MYO18A: variants seen among roughly 807,000 people sequenced by gnomAD.
MYO18A encodes the protein unconventional myosin-XVIIIa.
MYO18A carries 78 observed loss-of-function variants against 235.8 expected under a neutral mutation model. The ratio of observed to expected loss-of-function variants is 0.33; its 90% CI spans 0.28 to 0.40. The LOEUF (loss-of-function observed/expected upper bound fraction) is 0.40, where lower values mean the gene tolerates loss of function less well. MYO18A is among the 10% of genes least tolerant of loss of function. The pLI is 1.00. For synonymous variants in MYO18A, 977 were observed against 1,077.8 expected, an observed-to-expected ratio of 0.91 and a Z score of 1.83; for missense variants, 2,215 against 2,699.3, an observed-to-expected ratio of 0.82 and a Z score of 3.98.
chr17:29,090,039 C>G lies in MYO18A; in HGVS notation c.5448G>C (p.Leu1816=), dbSNP rs1054687862. 1 of 1,613,964 alleles carries G rather than the reference C, an allele frequency of 6.2e-7. No individual in the cohort carries two copies. The highest frequency in any genetic ancestry group is 8.5e-7 in the Non-Finnish European group (1 of 1,179,850). ...GTATCTTAGCTTCCTGCCTGCTCAC[C>G]AGGGACTTGTCCACCATGGACTGCT... The part of the protein sequence containing the change: ...FLEQSMVDKS[L]VSRQEAKIRE... Residue 1816 remains leucine, a synonymous_variant, in exon 37 of 42, where the codon CTG becomes CTC. Transcript: ENST00000527372.
In MYO18A at chr17:29,140,312, C is replaced by T. The variant is rs955270084; in HGVS notation, c.1000-18059G>A. On this transcript the variant is annotated intron_variant, in intron 2 of 41. Transcript: ENST00000527372. The surrounding 1 kb of genome is among the most constrained non-coding windows in gnomAD (Gnocchi z 4.2). ...TAGCATGAGGAGCCTGGGACATTTCCGGGGTGGGGGGTCAGAGGGACACTC... is the reference window on the plus strand; with the variant it reads ...TAGCATGAGGAGCCTGGGACATTTCTGGGGTGGGGGGTCAGAGGGACACTC... 3.3e-5 allele frequency: 41 copies of T among 1,225,748 alleles called. No homozygotes were observed. Among genetic ancestry groups the T allele is most frequent in the Non-Finnish European group, 4.0e-5 (38 of 957,060 alleles). The allele number at this position is 1,225,748 out of a possible 1,614,324, so 75.9% of individuals were successfully genotyped here.
At chr17:29,139,186 C>T (rs772822454) in intron 2 of MYO18A, among the ~76,000 whole-genome samples, 14 of 152,150 alleles carry the variant, frequency 9.2e-5, no homozygotes, top group Non-Finnish European at 1.5e-4. Flanking sequence ...GGCTTCCTGC[C>T]GCAACTGCAG....
chr17:29,093,484 G>A, intron 31 of MYO18A, 57 bp from the exon 32 acceptor site: 2 of 1,374,424 alleles, frequency 1.5e-6, no homozygotes, highest in Non-Finnish European at 2.0e-6. Context: ...GTGCGAAGCA[G>A]GCCCCTTCCA....
intron 2 of MYO18A, among the ~76,000 whole-genome samples, chr17:29,139,842 C>G (rs2067694843): frequency 6.6e-6 from 1 of 152,128 alleles, no homozygotes; most frequent in Non-Finnish European, 1.5e-5. Context: ...GAGAAGGGTG[C>G]TCCCTGACAA....
At chr17:29,079,163 G>T (rs1015758401) in intron 41 of MYO18A, among the ~76,000 whole-genome samples, 1 of 152,206 alleles carries the variant, frequency 6.6e-6, no homozygotes, top group African/African-American at 2.4e-5. Context: ...ACCTTTCCTG[G>T]CCCCAGCCTG....
chr17:29,088,544 G>GC (rs1169433197), intron 37 of MYO18A, among the ~76,000 whole-genome samples: 1 of 152,010 alleles, frequency 6.6e-6, no homozygotes, highest in Admixed American at 6.6e-5. Flanking sequence ...TGACAGGGCT[G>GC]CCCCTCACCA....
intron 2 of MYO18A, among the ~76,000 whole-genome samples, chr17:29,134,337 C>A (rs566400339): frequency 6.6e-6 from 1 of 152,150 alleles, no homozygotes; most frequent in Admixed American, 6.5e-5. Flanking sequence ...CCCGCCTTGG[C>A]GTCCTAAAGT....
At chr17:29,148,664 G>A (rs545711791) in intron 2 of MYO18A, among the ~76,000 whole-genome samples, 113 of 152,278 alleles carry the variant, frequency 7.4e-4, no homozygotes, top group African/African-American at 2.6e-3. Context: ...TTAGGAGACA[G>A]CGATTGGTAT....
intron 1 of MYO18A, among the ~76,000 whole-genome samples, chr17:29,179,761 G>A (rs1030191548): frequency 6.6e-6 from 1 of 152,164 alleles, no homozygotes; most frequent in African/African-American, 2.4e-5. Context: ...CCATTGTTTT[G>A]CCAGCTGTCT....
intron 2 of MYO18A, among the ~76,000 whole-genome samples, chr17:29,148,239 T>TA (rs930363723): frequency 1.1e-4 from 17 of 152,130 alleles, no homozygotes; most frequent in South Asian, 2.1e-4. Context: ...TCAAAACTCC[T>TA]AAAAAAAAGT....
At chr17:29,130,514 ACACACACACACAC>A (rs1198686468) in intron 2 of MYO18A, among the ~76,000 whole-genome samples, 5 of 120,316 alleles carry the variant, frequency 4.2e-5, no homozygotes, top group Non-Finnish European at 9.0e-5. Context: ...ACACACACAC[ACACACACACACAC>A]AACCCTTTCA....
chr17:29,141,694 C>T (rs922895436), intron 2 of MYO18A, among the ~76,000 whole-genome samples: 1 of 152,254 alleles, frequency 6.6e-6, no homozygotes, highest in Non-Finnish European at 1.5e-5. Flanking sequence ...TCTTAGGACA[C>T]GGCGCTTGTG....
At chr17:29,165,841 G>C in intron 2 of MYO18A, 101 bp downstream of exon 2, 2 of 1,142,120 alleles carry the variant, frequency 1.8e-6, no homozygotes, top group South Asian at 3.0e-5. Flanking sequence ...CACACTGCTA[G>C]GCTCTGATAA....
intron 19 of MYO18A, among the ~76,000 whole-genome samples, chr17:29,107,915 C>CAA (rs34077783): frequency 7.2e-4 from 55 of 76,384 alleles, no homozygotes; most frequent in African/African-American, 1.3e-3. Flanking sequence ...GACTGTGTCT[C>CAA]AAAAAAAAAA....
At chr17:29,137,807 C>T (rs1167350203) in intron 2 of MYO18A, among the ~76,000 whole-genome samples, 1 of 152,072 alleles carries the variant, frequency 6.6e-6, no homozygotes, top group Non-Finnish European at 1.5e-5. Flanking sequence ...AGTATACAAA[C>T]AGTGATCATA....
At position 29,092,343 on chromosome 17, in the gene MYO18A, C is replaced by T; in HGVS notation, c.5187G>A (p.Ala1729=). The change falls in exon 34 of 42, where the codon GCG becomes GCA. Residue 1729 remains alanine (A), a splice_region_variant and synonymous_variant. Transcript: ENST00000527372. ...TGCCCCGGGCACCTTGGCCCCTCAC[C>T]GCTGTCTTGGCTTTGGCGATGTCAT... is the stretch of plus-strand genomic sequence containing the variant. The part of the protein sequence containing the change: ...QIDDIAKAKT[A]LEEQLSRLQR... 1 of 1,608,550 alleles carries T rather than the reference C, an allele frequency of 6.2e-7. No individual in the cohort carries two copies. The highest frequency in any genetic ancestry group is 8.5e-7 in the Non-Finnish European group (1 of 1,179,250).
intron 8 of MYO18A, among the ~76,000 whole-genome samples, chr17:29,119,109 G>C (rs2067139183): frequency 6.6e-6 from 1 of 152,120 alleles, no homozygotes; most frequent in Non-Finnish European, 1.5e-5. Flanking sequence ...ATACAGCCAG[G>C]CCCCAGTACC....
At chr17:29,132,899 A>G (rs900472532) in intron 2 of MYO18A, among the ~76,000 whole-genome samples, 1 of 152,006 alleles carries the variant, frequency 6.6e-6, no homozygotes, top group African/African-American at 2.4e-5. Context: ...GCTGCCCCCC[A>G]CCAAGCCATC....
intron 2 of MYO18A, among the ~76,000 whole-genome samples, chr17:29,122,735 G>A (rs114955634): frequency 1.1e-3 from 174 of 152,362 alleles, no homozygotes; most frequent in Admixed American, 1.6e-3. Context: ...AGCTGGGAGA[G>A]GGCATGTCCT....
Sources: allele counts gnomAD v4.1 joint callset (sites outside exome capture counted in the v4.1 genomes callset), GRCh38; gene constraint gnomAD v4.1.1; non-coding constraint Gnocchi (gnomAD v3.1); transcripts MANE v1.5; gene names NCBI Gene and HGNC (gene_info 2026-07-23, HGNC 2026-07-21).